Variants in INSRR observed in about 807,000 individuals in gnomAD.
INSRR encodes insulin receptor-related protein.
Under a neutral mutation model 130.0 loss-of-function variants are expected in INSRR, and 114 were observed. That is an observed-to-expected ratio of 0.88 (90% CI 0.75 to 1.02). INSRR has a LOEUF of 1.02. INSRR is among the 50% of genes least tolerant of loss of function. The pLI is 0.00. For synonymous variants in INSRR, 674 were observed against 705.2 expected (o/e 0.96, Z 0.70); for missense variants, 1,657 against 1,735.2 (o/e 0.95, Z 0.80).
Position 156,858,990 on chromosome 1 carries a change from G to C in INSRR, c.-369C>G, listed in dbSNP as rs1024468157. 4.3e-6 allele frequency: 1 copy of C among 234,988 alleles called. No individual in the cohort carries two copies. The highest frequency in any genetic ancestry group is 8.6e-6 in the Non-Finnish European group (1 of 116,538). 14.6% of individuals were successfully genotyped at this position (234,988 alleles called of 1,614,324 possible). ...ACCCTGAGGGCGGAGCAGCAGGCTG[G>C]GGACCGCTCCCAAGGAGGGCAGCGG... is the stretch of plus-strand genomic sequence containing the variant. On this transcript the variant is annotated 5_prime_UTR_variant, in exon 1 of 22. Transcript: ENST00000368195.
Position 156,854,329 on chromosome 1 carries a change from T to C in INSRR, c.86-26A>G, listed in dbSNP as rs780092687. On this transcript the variant is annotated intron_variant, in intron 1 of 21. Transcript: ENST00000368195. The surrounding 1 kb of genome is among the most constrained non-coding windows in gnomAD (Gnocchi z 4.2). Reference sequence around the variant, plus strand: ...CTGTGGGCATACACGGCACGCAGCATTGAGTACAGCCCAGGCCAAATTCCC... The same window carrying C: ...CTGTGGGCATACACGGCACGCAGCACTGAGTACAGCCCAGGCCAAATTCCC... 24 of 1,580,648 alleles carry C rather than the reference T, an allele frequency of 1.5e-5. No homozygotes were observed. Among genetic ancestry groups the C allele is most frequent in the Non-Finnish European group, 2.1e-5 (24 of 1,164,714 alleles).
At position 156,851,426 on chromosome 1, in the gene INSRR, C is replaced by G. The variant is rs773930300; in HGVS notation, c.1093G>C (p.Glu365Gln). ...ILNLRQGYNL[E>Q]PQLQHSLGLV... ...CCCAGGCTGTGCTGCAGCTGTGGCT[C>G]CAGGTTGTCTAGGGATGGGAAGACA... is the stretch of plus-strand genomic sequence containing the variant. Residue 365 changes from glutamate to glutamine, a missense_variant, in exon 5 of 22, where the codon GAG (glutamate) becomes CAG (glutamine). Coordinates refer to ENST00000368195, the MANE Select transcript of INSRR (RefSeq NM_014215.3). 1 of 1,614,092 alleles carries G rather than the reference C, an allele frequency of 6.2e-7. No individual in the cohort carries two copies. Among genetic ancestry groups the G allele is most frequent in the Non-Finnish European group, 8.5e-7 (1 of 1,179,994 alleles).
At chr1:156,841,248 G>T in intron 21 of INSRR, 144 bp from the exon 22 acceptor site, 2 of 980,104 alleles carry the variant, frequency 2.0e-6, no homozygotes, top group South Asian at 1.5e-5. Flanking sequence ...TGGGAGTCTT[G>T]GGGGTTTGGG....
Position 156,858,780 on chromosome 1 carries a change from CAG to C in INSRR, c.-161_-160del. The C allele has an allele frequency of 1.6e-6, 1 of 628,272 alleles. No homozygotes were observed. Among genetic ancestry groups the C allele is most frequent in the Middle Eastern group, 3.6e-4 (1 of 2,800 alleles). The allele number at this position is 628,272 out of a possible 1,614,324, so 38.9% of individuals were successfully genotyped here. ...AATCCCACACAGAGACAGCAGGAGACAGAAAAAAAGAAATGAGAGTCACAGAG... is the reference window on the plus strand; with the variant it reads ...AATCCCACACAGAGACAGCAGGAGACAAAAAAAGAAATGAGAGTCACAGAG... On this transcript the variant is annotated 5_prime_UTR_variant, in exon 1 of 22. An upstream open reading frame in the 5' UTR loses its in-frame stop. Coordinates refer to ENST00000368195, the MANE Select transcript of INSRR (RefSeq NM_014215.3).
In INSRR at chr1:156,855,019, C is replaced by T. The variant is rs113943704; in HGVS notation, c.86-716G>A. On this transcript the variant is annotated intron_variant, in intron 1 of 21. Transcript: ENST00000368195. ...TGCTTTTCCTTATATGTAACAGGAG[C>T]TTTACTACTATAACAAGCCAGCAAA... Among the ~76,000 whole-genome samples, 1,283 of 152,222 alleles carry T rather than the reference C, an allele frequency of 8.4e-3. 12 individuals are homozygous for T. Among genetic ancestry groups the T allele is most frequent in the African/African-American group, 0.029 (1,204 of 41,514 alleles).
rs1391688240 is a variant in INSRR, at chr1:156,846,641, G to C, written c.1688C>G (p.Ala563Gly). ...GTACTGTGTCCAAGGCTTGAGGGAG[G>C]CTAGGGTCACCCCTGGCTCCTGGGT... ...SRTQEPGVTL[A>G]SLKPWTQYAV... The change falls in exon 8 of 22, where the codon GCC (alanine) becomes GGC (glycine). Residue 563 changes from alanine to glycine, a missense_variant. Transcript: ENST00000368195. 1.2e-6 allele frequency: 2 copies of C among 1,614,168 alleles called. No homozygotes were observed. Among genetic ancestry groups the C allele is most frequent in the South Asian group, 2.2e-5 (2 of 91,088 alleles).
rs769056105 is a variant in INSRR at position 156,846,514 on chromosome 1, C to T, written c.1810+5G>A. ...GACTGACTCTTGCACCCTCCAAATG[C>T]CTACCTGCAGGCAGCGTTCGGAGGT... On this transcript the variant is annotated splice_donor_5th_base_variant and intron_variant, in intron 8 of 21. Transcript: ENST00000368195. 7.5e-6 allele frequency: 12 copies of T among 1,610,630 alleles called. No individual in the cohort carries two copies. The African/African-American group carries it at 1.1e-4, about 14-fold the overall frequency.
Position 156,858,643 on chromosome 1 carries a change from C to G in INSRR, c.-22G>C, listed in dbSNP as rs748275651. The G allele has an allele frequency of 6.2e-7, 1 of 1,605,240 alleles. No homozygotes were observed. Among genetic ancestry groups the G allele is most frequent in the Non-Finnish European group, 8.5e-7 (1 of 1,171,980 alleles). ...CCATTGTCCCAGCCCTGGCTTGTGTCCAGTCCCGGCTCTCCTCCCGGTGAC... is the reference window on the plus strand; with the variant it reads ...CCATTGTCCCAGCCCTGGCTTGTGTGCAGTCCCGGCTCTCCTCCCGGTGAC... On this transcript the variant is annotated 5_prime_UTR_variant, in exon 1 of 22. Transcript: ENST00000368195.
chr1:156,844,804 G>C lies in INSRR; in HGVS notation c.2477C>G (p.Ala826Gly), dbSNP rs1273418247. The C allele has an allele frequency of 6.2e-7, 1 of 1,614,156 alleles. No individual in the cohort carries two copies. Among genetic ancestry groups the C allele is most frequent in the Admixed American group, 1.7e-5 (1 of 60,026 alleles). ...DGIPGKVAWEASSKNSVLLRW... is the reference protein window; with the variant it reads ...DGIPGKVAWEGSSKNSVLLRW... ...CAGAAGGACACTGTTCTTGCTGGAGGCCTCCCAGGCCACCTTTCCTGGAAT... is the reference window on the plus strand; with the variant it reads ...CAGAAGGACACTGTTCTTGCTGGAGCCCTCCCAGGCCACCTTTCCTGGAAT... Residue 826 changes from alanine (A) to glycine (G), a missense_variant, in exon 13 of 22, where the codon GCC (alanine) becomes GGC (glycine). Coordinates refer to ENST00000368195, the MANE Select transcript of INSRR (RefSeq NM_014215.3).
chr1:156,849,516 A>AG, intron 5 of INSRR, 56 bp from the exon 6 acceptor site: 1 of 851,606 alleles, frequency 1.2e-6, no homozygotes. Context: ...GGGGTGGGAA[A>AG]GGGGATGGCT....
chr1:156,844,135 G>A (rs1439326858), intron 15 of INSRR, 40 bp downstream of exon 15: 2 of 1,445,212 alleles, frequency 1.4e-6, no homozygotes, highest in Non-Finnish European at 1.9e-6. Context: ...TGAGGGCTCA[G>A]GGAGAAAAGG....
intron 2 of INSRR, among the ~76,000 whole-genome samples, chr1:156,853,465 C>T (rs894771946): frequency 3.9e-5 from 6 of 152,194 alleles, no homozygotes; most frequent in Non-Finnish European, 7.3e-5. Context: ...CTGCTTCTTG[C>T]GCTGCCTACT....
chr1:156,843,547 GGAA>G (rs1223006033), intron 15 of INSRR, 68 bp from the exon 16 acceptor site: 1 of 1,482,278 alleles, frequency 6.7e-7, no homozygotes, highest in African/African-American at 1.4e-5. Context: ...ATCAGAAGAA[GGAA>G]GAAGGACATT....
At chr1:156,853,716 C>T in intron 2 of INSRR, 36 bp downstream of exon 2, 1 of 1,564,044 alleles carries the variant, frequency 6.4e-7, no homozygotes, top group Non-Finnish European at 8.7e-7. Flanking sequence ...CCTGCTCTCT[C>T]CCTTCCCTAC....
At chr1:156,844,429 G>A (rs751361696) in intron 14 of INSRR, 33 bp downstream of exon 14, 16 of 1,603,166 alleles carry the variant, frequency 1.0e-5, no homozygotes, top group African/African-American at 9.3e-5. Context: ...GGGCTGTTCG[G>A]TGATACAGGT....
At chr1:156,857,826 C>T (rs1655463930) in intron 1 of INSRR, among the ~76,000 whole-genome samples, 2 of 152,198 alleles carry the variant, frequency 1.3e-5, no homozygotes, top group South Asian at 4.1e-4. Context: ...CCTCCTAATC[C>T]TTCCCTTTTT....
intron 7 of INSRR, 30 bp downstream of exon 7, chr1:156,848,891 C>T (rs1655102626): frequency 1.3e-6 from 2 of 1,548,672 alleles, no homozygotes; most frequent in East Asian, 4.9e-5. Flanking sequence ...CCGGTCCCGC[C>T]CCCGCTCCGG....
chr1:156,841,771 A>G lies in INSRR; in HGVS notation c.3421T>C (p.Tyr1141His). 1 of 1,614,076 alleles carries G rather than the reference A, an allele frequency of 6.2e-7. No homozygotes were observed. The highest frequency in any genetic ancestry group is 8.5e-7 in the Non-Finnish European group (1 of 1,179,976). The part of the protein sequence containing the change: ...IGDFGMTRDV[Y>H]ETDYYRKGGK... ...CCCTTGCGGTAATAGTCTGTCTCATACACGTCCCGAGTCATCCCGAAGTCT... is the reference window on the plus strand; with the variant it reads ...CCCTTGCGGTAATAGTCTGTCTCATGCACGTCCCGAGTCATCCCGAAGTCT... Residue 1141 changes from tyrosine to histidine, a missense_variant, in exon 20 of 22, where the codon TAT becomes CAT. Transcript: ENST00000368195.
In INSRR at chr1:156,840,789, G is replaced by C. The variant is rs1654744882; in HGVS notation, c.*84C>G. 1 of 1,053,944 alleles carries C rather than the reference G, an allele frequency of 9.5e-7. No homozygotes were observed. The highest frequency in any genetic ancestry group is 1.4e-6 in the Non-Finnish European group (1 of 697,024). The allele number at this position is 1,053,944 out of a possible 1,614,324, so 65.3% of individuals were successfully genotyped here. On this transcript the variant is annotated 3_prime_UTR_variant, in exon 22 of 22. Transcript: ENST00000368195. ...ATCCCTTGCCCTGAGTTGGGGTGGGGGTGAACATTCAGGCGTCTCAGCCAC... is the reference window on the plus strand; with the variant it reads ...ATCCCTTGCCCTGAGTTGGGGTGGGCGTGAACATTCAGGCGTCTCAGCCAC...
Sources: allele counts gnomAD v4.1 joint callset (sites outside exome capture counted in the v4.1 genomes callset), GRCh38; gene constraint gnomAD v4.1.1; non-coding constraint Gnocchi (gnomAD v3.1); transcripts MANE v1.5; gene names NCBI Gene and HGNC (gene_info 2026-07-23, HGNC 2026-07-21).